Variants in KCNN1 observed in about 807,000 individuals in gnomAD.
KCNN1 encodes the protein potassium calcium-activated channel subfamily N member 1, also known as small conductance calcium-activated potassium channel protein 1.
Under a neutral mutation model 44.7 loss-of-function variants are expected in KCNN1, and 20 were observed. The ratio of observed to expected loss-of-function variants is 0.45; its 90% confidence interval spans 0.32 to 0.65. KCNN1 has a LOEUF of 0.65. KCNN1 is among the 30% of genes least tolerant of loss of function. KCNN1 has a pLI of 0.05. For missense variants in KCNN1, 632 were observed against 785.3 expected, an observed-to-expected ratio of 0.80 and a Z score of 2.33; for synonymous variants, 324 against 341.7, an observed-to-expected ratio of 0.95 and a Z score of 0.57.
Position 17,993,541 on chromosome 19 carries a change from G to C in KCNN1, c.1359G>C (p.Thr453=). Residue 453 remains threonine, a synonymous_variant, in exon 9 of 10, where the codon ACG becomes ACC. Coordinates refer to ENST00000684775, the MANE Select transcript of KCNN1 (RefSeq NM_001386974.1). This position sits in a 1 kb window ranked among gnomAD's most constrained non-coding sequence, Gnocchi z 4.5. The part of the protein sequence containing the change: ...EQGKLNDQAN[T]LTDLAKTQTV... ...GGAAGCTGAACGACCAGGCTAACAC[G>C]CTTACCGACCTAGCCAAGGTGAGTG... The C allele has an allele frequency of 6.2e-7, 1 of 1,613,926 alleles. No homozygotes were observed. The highest frequency in any genetic ancestry group is 8.5e-7 in the Non-Finnish European group (1 of 1,179,854).
At chr19:17,997,150 A>G (rs112542461) in intron 9 of KCNN1, among the ~76,000 whole-genome samples, 2,802 of 152,228 alleles carry the variant, frequency 0.018, 43 homozygotes, top group Middle Eastern at 0.024. Flanking sequence ...CTGTAACAGT[A>G]ATTGTGGCTG....
intron 2 of KCNN1, among the ~76,000 whole-genome samples, chr19:17,958,521 T>G (rs916802072): frequency 6.9e-6 from 1 of 144,996 alleles, no homozygotes; most frequent in African/African-American, 2.5e-5. Flanking sequence ...GGTCTCACTC[T>G]GTCATCCAGG....
upstream of KCNN1, among the ~76,000 whole-genome samples, chr19:17,964,229 G>A (rs79083315): frequency 0.039 from 5,975 of 152,274 alleles, 401 homozygotes; most frequent in African/African-American, 0.13. This position sits in a 1 kb window ranked among gnomAD's most constrained non-coding sequence, Gnocchi z 4.3. Flanking sequence ...GCTTCCATCC[G>A]GGCAGTCCGG....
At chr19:17,994,864 C>A (rs573411011) in intron 9 of KCNN1, among the ~76,000 whole-genome samples, 83 of 152,214 alleles carry the variant, frequency 5.5e-4, no homozygotes, top group African/African-American at 1.9e-3. Flanking sequence ...TTTTTGAATT[C>A]TTCCACTGGA....
At chr19:17,981,679 C>T in intron 3 of KCNN1, 30 bp from the exon 4 acceptor site, 2 of 1,547,386 alleles carry the variant, frequency 1.3e-6, no homozygotes, top group Non-Finnish European at 1.8e-6. Flanking sequence ...TGTCTGACAC[C>T]CATGGCTGGT....
chr19:17,981,926 A>G lies in KCNN1; in HGVS notation c.716A>G (p.Tyr239Cys). The G allele has an allele frequency of 6.2e-7, 1 of 1,612,746 alleles. No homozygotes were observed. The highest frequency in any genetic ancestry group is 8.5e-7 in the Non-Finnish European group (1 of 1,179,462). ...TCCATCCCCATGTTCCTGCGCCTCT[A>G]CCTGCTGGGCCGGGTGATGCTACTG... is the stretch of plus-strand genomic sequence containing the variant. ...LLSIPMFLRL[Y>C]LLGRVMLLHS... is the part of the protein sequence containing the mutation. The change falls in exon 4 of 10, where the codon TAC becomes TGC. Residue 239 changes from tyrosine (Y) to cysteine (C), a missense_variant. Tyr to Cys is a radical substitution (Grantham distance 194, BLOSUM62 -2). This residue lies in a region of KCNN1 where 160 missense variants were observed against 308.3 expected (regional missense o/e 0.52). Transcript: ENST00000684775.
At chr19:17,992,793 G>C (rs2145972780) in intron 7 of KCNN1, among the ~76,000 whole-genome samples, 1 of 152,280 alleles carries the variant, frequency 6.6e-6, no homozygotes, top group South Asian at 2.1e-4. Flanking sequence ...CTCAGGAGAT[G>C]GTGTCGGCAT....
rs147782652 is a variant in KCNN1, at chr19:17,951,798, TTTAA to T, written c.-203+392_-203+395del. Among the ~76,000 whole-genome samples, 616 of 152,164 alleles carry T rather than the reference TTTAA, an allele frequency of 4.0e-3. 5 individuals are homozygous for T. The highest frequency in any genetic ancestry group is 0.014 in the African/African-American group (578 of 41,520). The stretch of plus-strand genomic sequence containing the variant: ...CTCCCCAGTGGCGTGGTGGGGAGGC[TTTAA>T]TTGTCTGCCTTCCTCTCTCCCTGAC... On this transcript the variant is annotated intron_variant, in intron 1 of 10. Coordinates refer to the KCNN1 transcript ENST00000222249.
At chr19:17,996,826 G>T (rs10415686) in intron 9 of KCNN1, among the ~76,000 whole-genome samples, 5 of 152,030 alleles carry the variant, frequency 3.3e-5, no homozygotes, top group African/African-American at 9.7e-5. Context: ...GAGGGAAAAG[G>T]GTAGGGGGCA....
At chr19:17,986,966 T>C (rs1377393797) in intron 5 of KCNN1, among the ~76,000 whole-genome samples, 1 of 146,592 alleles carries the variant, frequency 6.8e-6, no homozygotes, top group East Asian at 2.1e-4. Context: ...GCCACCAGGC[T>C]CGGCTAATTT....
chr19:17,992,476 T>G (rs1390174747), intron 7 of KCNN1, among the ~76,000 whole-genome samples: 2 of 151,990 alleles, frequency 1.3e-5, no homozygotes, highest in African/African-American at 2.4e-5. Flanking sequence ...TGGTGAGCGC[T>G]TGTAATTCCA....
intron 3 of KCNN1, among the ~76,000 whole-genome samples, chr19:17,977,284 C>T (rs1465933169): frequency 6.6e-6 from 1 of 151,992 alleles, no homozygotes; most frequent in African/African-American, 2.4e-5. Context: ...CCAAATTTCC[C>T]CTTTTTAAAA....
chr19:17,967,874 C>T (rs1161647720), intron 1 of KCNN1, among the ~76,000 whole-genome samples: 1 of 151,962 alleles, frequency 6.6e-6, no homozygotes, highest in Non-Finnish European at 1.5e-5. Context: ...GAATGGAGGG[C>T]CCCCGAGGGA....
chr19:17,975,696 C>T (rs1568452002), intron 3 of KCNN1, among the ~76,000 whole-genome samples: 1 of 151,790 alleles, frequency 6.6e-6, no homozygotes, highest in African/African-American at 2.4e-5. Context: ...GCTAGGATTA[C>T]AGGTGTCAGC....
chr19:17,969,298 C>T lies in KCNN1; in HGVS notation c.-82+1981C>T, dbSNP rs547222907. On this transcript the variant is annotated intron_variant, in intron 1 of 9. Coordinates refer to ENST00000684775, the MANE Select transcript of KCNN1 (RefSeq NM_001386974.1). ...CGCCTGGATGGCACTAATTTAGTCC[C>T]TGCCTTTCCTGGCTGGGTGACCTTG... 2.0e-5 allele frequency among the ~76,000 whole-genome samples: 3 copies of T among 152,346 alleles called. No homozygotes were observed. In the East Asian group the frequency reaches 5.8e-4, roughly 29 times the overall value.
chr19:17,998,507 C>A lies in KCNN1; in HGVS notation c.*101C>A. 1 of 1,199,660 alleles carries A rather than the reference C, an allele frequency of 8.3e-7. No homozygotes were observed. The highest frequency in any genetic ancestry group is 1.1e-6 in the Non-Finnish European group (1 of 891,094). 74.3% of individuals were successfully genotyped at this position (1,199,660 alleles called of 1,614,324 possible). ...CGCCTCTTGGAGTTCAAGAAGCCAACGCTGAGTCAGGCTGAGTGGACTGAG... is the reference window on the plus strand; with the variant it reads ...CGCCTCTTGGAGTTCAAGAAGCCAAAGCTGAGTCAGGCTGAGTGGACTGAG... On this transcript the variant is annotated 3_prime_UTR_variant, in exon 10 of 10. Transcript: ENST00000684775. This position sits in a 1 kb window ranked among gnomAD's most constrained non-coding sequence, Gnocchi z 5.4.
In KCNN1 at chr19:17,993,540, C is replaced by G. The variant is rs186659145; in HGVS notation, c.1358C>G (p.Thr453Arg). 6.2e-7 allele frequency: 1 copy of G among 1,613,890 alleles called. No individual in the cohort carries two copies. The highest frequency in any genetic ancestry group is 1.6e-4 in the Middle Eastern group (1 of 6,062). ...EQGKLNDQAN[T>R]LTDLAKTQTV... is the part of the protein sequence containing the mutation. Reference sequence around the variant, plus strand: ...GGGAAGCTGAACGACCAGGCTAACACGCTTACCGACCTAGCCAAGGTGAGT... The same window carrying G: ...GGGAAGCTGAACGACCAGGCTAACAGGCTTACCGACCTAGCCAAGGTGAGT... The change falls in exon 9 of 10, where the codon ACG becomes AGG. Residue 453 changes from threonine (T) to arginine (R), a missense_variant. Around this residue, in one of 3 missense-constraint regions of KCNN1, gnomAD observed 237 missense variants for 253.0 expected, o/e 0.94. Coordinates refer to ENST00000684775, the MANE Select transcript of KCNN1 (RefSeq NM_001386974.1). The surrounding 1 kb of genome is among the most constrained non-coding windows in gnomAD (Gnocchi z 4.5).
At chr19:17,959,552 G>A (rs886605811) in intron 2 of KCNN1, among the ~76,000 whole-genome samples, 10 of 151,770 alleles carry the variant, frequency 6.6e-5, no homozygotes, top group South Asian at 2.1e-4. Flanking sequence ...CACCGCACCC[G>A]GTTATATTTT....
intron 4 of KCNN1, among the ~76,000 whole-genome samples, chr19:17,982,997 G>A (rs1032434782): frequency 2.0e-5 from 3 of 146,604 alleles, no homozygotes; most frequent in Non-Finnish European, 4.5e-5. Flanking sequence ...CTGAGATTGC[G>A]CCACTGCACT....
Sources: allele counts gnomAD v4.1 joint callset (sites outside exome capture counted in the v4.1 genomes callset), GRCh38; gene constraint gnomAD v4.1.1; regional missense constraint gnomAD v4.1.1; non-coding constraint Gnocchi (gnomAD v3.1); transcripts MANE v1.5; gene names NCBI Gene and HGNC (gene_info 2026-07-23, HGNC 2026-07-21).